Variants in HS6ST3 observed in about 807,000 individuals in gnomAD.
HS6ST3 encodes the protein heparan-sulfate 6-O-sulfotransferase 3.
In HS6ST3, 12 loss-of-function variants were observed where a neutral mutation model predicts 36.7. The observed-to-expected ratio is 0.33, with a 90% CI of 0.21 to 0.53. The LOEUF is 0.53. Ranked by LOEUF, HS6ST3 falls within the 20% of genes least tolerant of loss-of-function variation. HS6ST3 has a pLI of 0.95. For missense variants in HS6ST3, 584 were observed against 640.9 expected, an observed-to-expected ratio of 0.91 and a Z score of 0.96; for synonymous variants, 240 against 257.5, an observed-to-expected ratio of 0.93 and a Z score of 0.65.
intron 1 of HS6ST3, among the ~76,000 whole-genome samples, chr13:96,211,440 CT>C (rs1387109374): frequency 6.6e-6 from 1 of 152,162 alleles, no homozygotes; most frequent in Non-Finnish European, 1.5e-5. Flanking sequence ...CAATGTTCAG[CT>C]TGCACTTTCT....
chr13:96,206,549 C>T (rs889944241), intron 1 of HS6ST3, among the ~76,000 whole-genome samples: 26 of 152,304 alleles, frequency 1.7e-4, no homozygotes, highest in Non-Finnish European at 4.4e-5. Flanking sequence ...TGCTACCCAA[C>T]TTCAAACTAT....
intron 1 of HS6ST3, among the ~76,000 whole-genome samples, chr13:96,290,817 T>C (rs1352390218): frequency 6.6e-6 from 1 of 152,162 alleles, no homozygotes. Flanking sequence ...ATGCAGCTGG[T>C]TGTCACCTCT....
intron 1 of HS6ST3, among the ~76,000 whole-genome samples, chr13:96,252,560 C>T (rs2054612357): frequency 6.6e-6 from 1 of 152,178 alleles, no homozygotes; most frequent in Non-Finnish European, 1.5e-5. Context: ...TTTCAGTGTT[C>T]TGGTTTCTCC....
At chr13:96,381,358 G>A (rs145079875) in intron 1 of HS6ST3, among the ~76,000 whole-genome samples, 191 of 127,196 alleles carry the variant, frequency 1.5e-3, no homozygotes, top group South Asian at 8.1e-3. Flanking sequence ...ATATATGTGT[G>A]TGTATATCTA....
At chr13:96,356,662 TG>T (rs1373113749) in intron 1 of HS6ST3, among the ~76,000 whole-genome samples, 1 of 152,218 alleles carries the variant, frequency 6.6e-6, no homozygotes, top group Non-Finnish European at 1.5e-5. Flanking sequence ...CACGCTTTTT[TG>T]TTCCACTAAT....
intron 1 of HS6ST3, among the ~76,000 whole-genome samples, chr13:96,377,293 T>C (rs2055319495): frequency 6.6e-6 from 1 of 151,710 alleles, no homozygotes; most frequent in African/African-American, 2.4e-5. Context: ...AGTTCGACAC[T>C]GGTGAGCTAT....
At chr13:96,201,350 C>A (rs774252464) in intron 1 of HS6ST3, among the ~76,000 whole-genome samples, 22 of 151,824 alleles carry the variant, frequency 1.4e-4, no homozygotes, top group Non-Finnish European at 2.9e-4. Flanking sequence ...CTAGATTAGG[C>A]CAGTTGGGAT....
At chr13:96,629,300 G>A (rs998429835) in intron 1 of HS6ST3, among the ~76,000 whole-genome samples, 7 of 152,056 alleles carry the variant, frequency 4.6e-5, no homozygotes, top group African/African-American at 9.7e-5. Context: ...ATACATCAAT[G>A]TTTCTTTGTA....
chr13:96,181,772 C>T (rs918908992), intron 1 of HS6ST3, among the ~76,000 whole-genome samples: 9 of 152,166 alleles, frequency 5.9e-5, no homozygotes, highest in African/African-American at 2.2e-4. Flanking sequence ...GCTAGAACCC[C>T]CGCCCTTCAA....
chr13:96,797,901 G>C (rs895732863), intron 1 of HS6ST3, among the ~76,000 whole-genome samples: 1 of 151,896 alleles, frequency 6.6e-6, no homozygotes, highest in Non-Finnish European at 1.5e-5. Context: ...AGATCCCACG[G>C]GTTGAGGGCT....
At chr13:96,363,450 T>G (rs2055248931) in intron 1 of HS6ST3, among the ~76,000 whole-genome samples, 1 of 152,204 alleles carries the variant, frequency 6.6e-6, no homozygotes, top group East Asian at 1.9e-4. Context: ...ACAGGGGAAA[T>G]TGGAAGAGGA....
intron 1 of HS6ST3, among the ~76,000 whole-genome samples, chr13:96,721,797 A>T (rs528757701): frequency 6.6e-6 from 1 of 152,356 alleles, no homozygotes; most frequent in African/African-American, 2.4e-5. Flanking sequence ...AGCCAAGCTC[A>T]TTAAAATTAC....
At chr13:96,457,768 C>A (rs1390703884) in intron 1 of HS6ST3, among the ~76,000 whole-genome samples, 1 of 152,110 alleles carries the variant, frequency 6.6e-6, no homozygotes, top group East Asian at 1.9e-4. Context: ...GAAATCTCAT[C>A]ATTAGATACT....
intron 1 of HS6ST3, among the ~76,000 whole-genome samples, chr13:96,498,702 T>C (rs2055989115): frequency 6.6e-6 from 1 of 152,240 alleles, no homozygotes; most frequent in African/African-American, 2.4e-5. Flanking sequence ...AATGTCACTG[T>C]TCTTTTAGTT....
intron 1 of HS6ST3, among the ~76,000 whole-genome samples, chr13:96,182,248 A>G (rs6492838): frequency 0.91 from 138,851 of 152,278 alleles, 63,438 homozygotes; most frequent in Non-Finnish European, 0.94. Flanking sequence ...TTAACCCTTG[A>G]CTTTTGCTAA....
chr13:96,511,813 A>G (rs1260242603), intron 1 of HS6ST3, among the ~76,000 whole-genome samples: 1 of 152,082 alleles, frequency 6.6e-6, no homozygotes, highest in Non-Finnish European at 1.5e-5. Flanking sequence ...AGTTATGACA[A>G]TCTTTTCCAT....
At chr13:96,611,524 A>T (rs1209780240) in intron 1 of HS6ST3, among the ~76,000 whole-genome samples, 1 of 152,208 alleles carries the variant, frequency 6.6e-6, no homozygotes, top group Admixed American at 6.5e-5. Context: ...CTTCCAGTCT[A>T]TTCAAAGAAA....
At chr13:96,417,165 T>C (rs966321774) in intron 1 of HS6ST3, among the ~76,000 whole-genome samples, 2 of 152,206 alleles carry the variant, frequency 1.3e-5, no homozygotes, top group African/African-American at 4.8e-5. Context: ...TGCAGTTTGC[T>C]TCTCTTCTTT....
At chr13:96,671,015 T>C (rs662126) in intron 1 of HS6ST3, among the ~76,000 whole-genome samples, 149,100 of 152,204 alleles carry the variant, frequency 0.98, 73,093 homozygotes, top group East Asian at 1. Flanking sequence ...GCTTTAGGGA[T>C]AGGCTTTACT....
Sources: allele counts gnomAD v4.1 joint callset (sites outside exome capture counted in the v4.1 genomes callset), GRCh38; gene constraint gnomAD v4.1.1; transcripts MANE v1.5; gene names NCBI Gene and HGNC (gene_info 2026-07-23, HGNC 2026-07-21).